Variants in C6orf62 observed in about 807,000 individuals in gnomAD.
C6orf62 encodes chromosome 6 open reading frame 62.
In C6orf62, 16 loss-of-function variants were observed where a neutral mutation model predicts 26.8. The ratio of observed to expected loss-of-function variants is 0.60; its 90% CI spans 0.40 to 0.91. The LOEUF is 0.91. Among genes scored for constraint, C6orf62 ranks in the 40% least tolerant of loss-of-function variants. The pLI, the probability that C6orf62 is intolerant of heterozygous loss-of-function variation, is 0.00. For synonymous variants in C6orf62, 112 were observed against 91.5 expected (o/e 1.22, Z -1.28); for missense variants, 192 against 271.4 (o/e 0.71, Z 2.06).
At chr6:24,711,257 A>ACACACACACACACAC (rs1554192457) in intron 3 of C6orf62, among the ~76,000 whole-genome samples, 79 of 151,064 alleles carry the variant, frequency 5.2e-4, no homozygotes, top group African/African-American at 1.6e-3. Context: ...CACACACACA[A>ACACACACACACACAC]ACACACACAC....
chr6:24,711,269 C>CACA (rs1554192460), intron 3 of C6orf62, among the ~76,000 whole-genome samples: 2 of 152,134 alleles, frequency 1.3e-5, no homozygotes, highest in East Asian at 3.9e-4. Flanking sequence ...CACACACACA[C>CACA]AACTTCTCAT....
chr6:24,706,265 G>A lies in C6orf62; in HGVS notation c.565-3C>T. The A allele has an allele frequency of 6.2e-7, 1 of 1,613,894 alleles. No homozygotes were observed. The highest frequency in any genetic ancestry group is 8.5e-7 in the Non-Finnish European group (1 of 1,179,936). ...ATTGTAGCTTTGTTTTTTGGAGTCT[G>A]GAAGGGGAAAACATTTTAATATTTT... On this transcript the variant is annotated splice_region_variant and splice_polypyrimidine_tract_variant and intron_variant, in intron 4 of 4. Coordinates refer to ENST00000378119, the MANE Select transcript of C6orf62 (RefSeq NM_030939.5).
At chr6:24,719,743 T>C (rs1779315753), upstream of C6orf62, 4 of 1,538,126 alleles carry the variant, frequency 2.6e-6, no homozygotes, top group East Asian at 2.4e-5. Flanking sequence ...TTGTGAGCAT[T>C]GCCGAGGCAA....
At chr6:24,719,740 C>T, upstream of C6orf62, 1 of 1,535,490 alleles carries the variant, frequency 6.5e-7, no homozygotes, top group Admixed American at 2.0e-5. Flanking sequence ...TTCTTGTGAG[C>T]ATTGCCGAGG....
chr6:24,713,029 TATC>T (rs1386527410), intron 3 of C6orf62, among the ~76,000 whole-genome samples: 6 of 152,254 alleles, frequency 3.9e-5, no homozygotes, highest in African/African-American at 1.4e-4. Context: ...TTCAGTCAGA[TATC>T]ATCCATTAAA....
At position 24,705,340 on chromosome 6, in the gene C6orf62, AAAACC is replaced by A. The variant is rs1778986865; in HGVS notation, c.*792_*796del. 1 of 151,572 alleles carries A rather than the reference AAAACC, an allele frequency of 6.6e-6. No homozygotes were observed. Among genetic ancestry groups the A allele is most frequent in the Non-Finnish European group, 1.5e-5 (1 of 67,770 alleles). The allele number at this position is 151,572 out of a possible 1,614,324, so 9.4% of individuals were successfully genotyped here. A position where few individuals can be genotyped will look rare whatever the true frequency, so the allele number is the denominator to read the frequency against. On this transcript the variant is annotated 3_prime_UTR_variant, in exon 5 of 5. Transcript: ENST00000378119. The stretch of plus-strand genomic sequence containing the variant: ...AAAACAAAACAAAACAAAACAAAAC[AAAACC>A]AAAAGAAAAGTCCTCTACCTATCAT...
At chr6:24,709,007 A>G in intron 3 of C6orf62, 96 bp from the exon 4 acceptor site, 1 of 1,536,836 alleles carries the variant, frequency 6.5e-7, no homozygotes, top group Non-Finnish European at 8.7e-7. Flanking sequence ...AAAGCAGCCA[A>G]CAGTCCGTTA....
intron 3 of C6orf62, among the ~76,000 whole-genome samples, chr6:24,712,742 C>T (rs1378289734): frequency 7.1e-6 from 1 of 141,328 alleles, no homozygotes; most frequent in African/African-American, 2.6e-5. Context: ...TCTCAATAAA[C>T]ATCAGCCATG....
upstream of C6orf62, chr6:24,719,693 C>T (rs1779315007): frequency 6.7e-7 from 1 of 1,482,618 alleles, no homozygotes; most frequent in South Asian, 1.4e-5. Flanking sequence ...CCCTGTGGAT[C>T]TGCCCCCGTT....
intron 2 of C6orf62, among the ~76,000 whole-genome samples, chr6:24,715,056 T>G (rs1186632575): frequency 6.6e-6 from 1 of 152,234 alleles, no homozygotes; most frequent in Non-Finnish European, 1.5e-5. Context: ...CCCTGAACCT[T>G]TATTTCCACC....
chr6:24,718,298 ATAC>A (rs916800890), intron 1 of C6orf62, among the ~76,000 whole-genome samples: 2 of 152,214 alleles, frequency 1.3e-5, no homozygotes, highest in Non-Finnish European at 2.9e-5. Flanking sequence ...AACTCAGTGT[ATAC>A]TACTACTAAG....
At chr6:24,719,197 A>C, upstream of C6orf62, 1 of 982,254 alleles carries the variant, frequency 1.0e-6, no homozygotes, top group Non-Finnish European at 1.2e-6. Flanking sequence ...CAAAACCAAA[A>C]CCAAACACCA....
upstream of C6orf62, chr6:24,720,206 G>C: frequency 7.4e-7 from 1 of 1,353,010 alleles, no homozygotes; most frequent in Non-Finnish European, 9.4e-7. Flanking sequence ...GCGGAGCCCG[G>C]GACTCACGGA....
intron 3 of C6orf62, among the ~76,000 whole-genome samples, chr6:24,713,528 C>T (rs532850338): frequency 1.8e-4 from 27 of 152,092 alleles, no homozygotes; most frequent in Admixed American, 6.5e-4. Context: ...ATAAAGAAGC[C>T]TTCTAATATT....
At chr6:24,710,532 G>A (rs747048559) in intron 3 of C6orf62, 7 of 935,104 alleles carry the variant, frequency 7.5e-6, no homozygotes, top group Non-Finnish European at 8.9e-6. Flanking sequence ...CCAAAGTGTT[G>A]GGATTACAGG....
At chr6:24,718,369 G>C (rs894862237) in intron 1 of C6orf62, among the ~76,000 whole-genome samples, 171 bp downstream of exon 1, 1 of 152,140 alleles carries the variant, frequency 6.6e-6, no homozygotes, top group African/African-American at 2.4e-5. Flanking sequence ...TTCGCATGCT[G>C]CAACTGCTCA....
chr6:24,718,758 CA>C lies in C6orf62; in HGVS notation c.-91del, dbSNP rs1779290201. 5.1e-6 allele frequency: 8 copies of C among 1,576,154 alleles called. No homozygotes were observed. In the Admixed American group the frequency reaches 6.2e-5, roughly 12 times the overall value. ...AGACTCAAGTACAACAGAAACAAGTCATTTTTTTTCCTGCTAATATGATTGA... is the reference window on the plus strand; with the variant it reads ...AGACTCAAGTACAACAGAAACAAGTCTTTTTTTTCCTGCTAATATGATTGA... On this transcript the variant is annotated 5_prime_UTR_variant, in exon 1 of 5. It removes an upstream start codon present in the reference 5' UTR. Transcript: ENST00000378119.
chr6:24,706,109 G>A lies in C6orf62; in HGVS notation c.*28C>T, dbSNP rs1372567120. 2 of 1,607,174 alleles carry A rather than the reference G, an allele frequency of 1.2e-6. No individual in the cohort carries two copies. The highest frequency in any genetic ancestry group is 1.1e-5 in the South Asian group (1 of 89,342). On this transcript the variant is annotated 3_prime_UTR_variant, in exon 5 of 5. Coordinates refer to ENST00000378119, the MANE Select transcript of C6orf62 (RefSeq NM_030939.5). ...AAAAAAAACTGCTGCTGCATTCTCT[G>A]ATCTTCTCCATTTTGCTGGTCAGTA...
chr6:24,712,043 T>C (rs150934165), intron 3 of C6orf62, among the ~76,000 whole-genome samples: 1 of 152,298 alleles, frequency 6.6e-6, no homozygotes, highest in Non-Finnish European at 1.5e-5. Context: ...AGTTTCTTCC[T>C]ATCTACCCAG....
Sources: gnomAD v4.1 joint callset for allele counts (sites outside exome capture counted in the v4.1 genomes callset) on GRCh38, gnomAD v4.1.1 for gene constraint, MANE v1.5 for transcripts, NCBI Gene and HGNC (gene_info 2026-07-23, HGNC 2026-07-21) for gene names.